RPL13A: variants seen among roughly 807,000 people sequenced by gnomAD.
RPL13A encodes the protein ribosomal protein L13a, also known as large ribosomal subunit protein uL13.
In RPL13A, 4 loss-of-function variants were observed where a neutral mutation model predicts 30.8. The ratio of observed to expected loss-of-function variants is 0.13; its 90% confidence interval spans 0.06 to 0.30. The LOEUF (loss-of-function observed/expected upper bound fraction) is 0.30, where lower values mean the gene tolerates loss of function less well. Among genes scored for constraint, RPL13A ranks in the 10% least tolerant of loss-of-function variants. The pLI is 1.00. For missense variants in RPL13A, 196 were observed against 272.6 expected, an observed-to-expected ratio of 0.72 and a Z score of 1.98; for synonymous variants, 108 against 104.2, an observed-to-expected ratio of 1.04 and a Z score of -0.22.
At chr19:49,490,941 G>GT in intron 5 of RPL13A, 77 bp downstream of exon 5, 1 of 1,604,764 alleles carries the variant, frequency 6.2e-7, no homozygotes, top group Middle Eastern at 1.7e-4. Flanking sequence ...TACATTGTTT[G>GT]ATCCTCATGA....
rs117864235 is a variant in RPL13A at position 49,491,115 on chromosome 19, C to T, written c.402+16C>T. On this transcript the variant is annotated intron_variant, in intron 6 of 7. Coordinates refer to ENST00000391857, the MANE Select transcript of RPL13A (RefSeq NM_012423.4). The stretch of plus-strand genomic sequence containing the variant: ...TACAAGAAAGGTGAGTCCCAGCTTA[C>T]GCTGCACCATCTACTTGGGAGATTT... 10,760 of 1,613,950 alleles carry T rather than the reference C, an allele frequency of 6.7e-3. 45 individuals are homozygous for T. Among genetic ancestry groups the T allele is most frequent in the Non-Finnish European group, 8.2e-3 (9,637 of 1,179,926 alleles).
chr19:49,489,777 A>G, intron 1 of RPL13A, 73 bp from the exon 2 acceptor site: 1 of 1,230,992 alleles, frequency 8.1e-7, no homozygotes, highest in South Asian at 1.2e-5. Flanking sequence ...GGACAAAAGA[A>G]GGGAATGCTT....
chr19:49,490,021 TC>T, intron 2 of RPL13A, 99 bp downstream of exon 2: 1 of 1,098,990 alleles, frequency 9.1e-7, no homozygotes, highest in East Asian at 2.3e-5. Flanking sequence ...GGCCATGAGA[TC>T]AACCCCATGC....
rs2079858506 is a variant in RPL13A at position 49,490,770 on chromosome 19, AC to A, written c.257-6del. On this transcript the variant is annotated splice_polypyrimidine_tract_variant and splice_region_variant and intron_variant, in intron 4 of 7. Coordinates refer to ENST00000391857, the MANE Select transcript of RPL13A (RefSeq NM_012423.4). The stretch of plus-strand genomic sequence containing the variant: ...CCTCTGACTGGGCCTGCTATCTGTC[AC>A]CCAACAGGTATGCTGCCCCACAAAA... The A allele has an allele frequency of 6.2e-7, 1 of 1,614,084 alleles. No homozygotes were observed. Among genetic ancestry groups the A allele is most frequent in the African/African-American group, 1.3e-5 (1 of 75,054 alleles).
chr19:49,491,357 C>T, intron 6 of RPL13A, 68 bp from the exon 7 acceptor site: 3 of 1,388,480 alleles, frequency 2.2e-6, no homozygotes, highest in Non-Finnish European at 3.0e-6. Context: ...AGCTCCGGCT[C>T]TTCAGGGTGT....
rs765181986 is a variant in RPL13A, at chr19:49,489,853, C to G, written c.19C>G (p.Leu7Val). Residue 7 changes from leucine (L) to valine (V), a missense_variant, in exon 2 of 8, where the codon CTG (leucine) becomes GTG (valine). Physicochemically the swap from Leu to Val is conservative, Grantham distance 32 (BLOSUM62 1). Coordinates refer to ENST00000391857, the MANE Select transcript of RPL13A (RefSeq NM_012423.4). ...CTTTTGCCCTTGTCTCCCACAGGTCCTGGTGCTTGATGGTCGAGGCCATCT... is the reference window on the plus strand; with the variant it reads ...CTTTTGCCCTTGTCTCCCACAGGTCGTGGTGCTTGATGGTCGAGGCCATCT... MAEVQV[L>V]VLDGRGHLLG... 1 of 1,613,602 alleles carries G rather than the reference C, an allele frequency of 6.2e-7. No homozygotes were observed. The highest frequency in any genetic ancestry group is 8.5e-7 in the Non-Finnish European group (1 of 1,179,470).
intron 1 of RPL13A, among the ~76,000 whole-genome samples, chr19:49,487,856 C>T (rs139537653): frequency 5.9e-5 from 9 of 152,236 alleles, no homozygotes; most frequent in African/African-American, 2.2e-4. Flanking sequence ...CTTCTCGAGG[C>T]GAGGGTGATA....
Position 49,489,833 on chromosome 19 carries a change from G to T in RPL13A, c.16-17G>T. 1 of 1,554,322 alleles carries T rather than the reference G, an allele frequency of 6.4e-7. No individual in the cohort carries two copies. The highest frequency in any genetic ancestry group is 2.6e-5 in the East Asian group (1 of 38,938). On this transcript the variant is annotated splice_polypyrimidine_tract_variant and intron_variant, in intron 1 of 7. Transcript: ENST00000391857. ...GCTGTCCTTGTCTCTGAGTCCTTTT[G>T]CCCTTGTCTCCCACAGGTCCTGGTG...
chr19:49,490,635 C>T (rs770218524), intron 4 of RPL13A, 59 bp downstream of exon 4: 3 of 1,585,328 alleles, frequency 1.9e-6, no homozygotes, highest in African/African-American at 1.3e-5. Context: ...ATGAGAACTT[C>T]TCCCACTCAC....
At chr19:49,490,959 A>ACTGG (rs2079861366) in intron 5 of RPL13A, 81 bp from the exon 6 acceptor site, 2 of 1,604,170 alleles carry the variant, frequency 1.2e-6, no homozygotes, top group East Asian at 4.5e-5. Context: ...TGAAAGCAGC[A>ACTGG]CTGGCTGAGA....
At chr19:49,491,217 T>C (rs894131905) in intron 6 of RPL13A, 118 bp downstream of exon 6, 1 of 1,339,302 alleles carries the variant, frequency 7.5e-7, no homozygotes, top group Non-Finnish European at 1.1e-6. Flanking sequence ...CGGATGTCCC[T>C]GTGGGAATGG....
At chr19:49,489,645 C>T (rs1281491063) in intron 1 of RPL13A, among the ~76,000 whole-genome samples, 1 of 152,248 alleles carries the variant, frequency 6.6e-6, no homozygotes, top group Non-Finnish European at 1.5e-5. Flanking sequence ...TCTTAAACTG[C>T]TCACTCACTG....
Position 49,491,335 on chromosome 19 carries a change from C to T in RPL13A, c.403-90C>T, listed in dbSNP as rs2079866214. 9 of 1,314,528 alleles carry T rather than the reference C, an allele frequency of 6.8e-6. No individual in the cohort carries two copies. In the South Asian group the frequency reaches 8.2e-5, roughly 12 times the overall value. The allele number at this position is 1,314,528 out of a possible 1,614,324, so 81.4% of individuals were successfully genotyped here. ...GATATGCCCAGCTGTCAGTCACCTC[C>T]CAGCTCTCAACAGCTCCGGCTCTTC... On this transcript the variant is annotated intron_variant, in intron 6 of 7. Coordinates refer to ENST00000391857, the MANE Select transcript of RPL13A (RefSeq NM_012423.4).
chr19:49,491,684 A>G (rs374596471), intron 7 of RPL13A, 45 bp from the exon 8 acceptor site: 441 of 1,591,792 alleles, frequency 2.8e-4, no homozygotes, highest in Middle Eastern at 6.6e-4. Flanking sequence ...AATGAGGGCA[A>G]TGCAACCCCT....
At chr19:49,490,715 CAG>C (rs1317666951) in intron 4 of RPL13A, 62 bp from the exon 5 acceptor site, 1 of 1,584,402 alleles carries the variant, frequency 6.3e-7, no homozygotes, top group Non-Finnish European at 8.7e-7. Context: ...GGGCCCACCT[CAG>C]TGGGGTGGGT....
At position 49,489,851 on chromosome 19, in the gene RPL13A, T is replaced by C; in HGVS notation, c.17T>C (p.Val6Ala). ...TCCTTTTGCCCTTGTCTCCCACAGG[T>C]CCTGGTGCTTGATGGTCGAGGCCAT... MAEVQ[V>A]LVLDGRGHLL... Residue 6 changes from valine (V) to alanine (A), a missense_variant and splice_region_variant, in exon 2 of 8, where the codon GTC (valine) becomes GCC (alanine). Physicochemically the swap from Val to Ala is moderately conservative, Grantham distance 64. Transcript: ENST00000391857. The C allele has an allele frequency of 1.2e-6, 2 of 1,613,454 alleles. No individual in the cohort carries two copies. Among genetic ancestry groups the C allele is most frequent in the Non-Finnish European group, 1.7e-6 (2 of 1,179,354 alleles).
At position 49,489,762 on chromosome 19, in the gene RPL13A, C is replaced by T. The variant is rs532876407; in HGVS notation, c.16-88C>T. ...CTGGGTGCAAGGCACGCTGTTGGCA[C>T]GGTAGGACAAAAGAAGGGAATGCTT... On this transcript the variant is annotated intron_variant, in intron 1 of 7. Transcript: ENST00000391857. The T allele has an allele frequency of 4.2e-4, 454 of 1,092,450 alleles. 2 individuals carry two copies. In the Middle Eastern group the frequency reaches 0.012, roughly 29 times the overall value. 67.7% of individuals were successfully genotyped at this position (1,092,450 alleles called of 1,614,324 possible).
intron 3 of RPL13A, 52 bp from the exon 4 acceptor site, chr19:49,490,422 GT>G: frequency 6.2e-7 from 1 of 1,602,632 alleles, no homozygotes; most frequent in African/African-American, 1.3e-5. Flanking sequence ...TGGAAGTGGG[GT>G]TTTGGGGGTG....
chr19:49,492,277 T>G lies in RPL13A; in HGVS notation c.*462T>G, dbSNP rs972156436. 9 of 156,718 alleles carry G rather than the reference T, an allele frequency of 5.7e-5. No individual in the cohort carries two copies. Among genetic ancestry groups the G allele is most frequent in the African/African-American group, 1.2e-4 (5 of 41,478 alleles). The allele number at this position is 156,718 out of a possible 1,614,324, so 9.7% of individuals were successfully genotyped here. A position where few individuals can be genotyped will look rare whatever the true frequency, so the allele number is the denominator to read the frequency against. On this transcript the variant is annotated 3_prime_UTR_variant, in exon 8 of 8. Coordinates refer to ENST00000391857, the MANE Select transcript of RPL13A (RefSeq NM_012423.4). The stretch of plus-strand genomic sequence containing the variant: ...ATCGCCCATGCTCCTCACCTGTATT[T>G]TGTAATCAGAAATAAATTGCTTTTA...
Sources: allele counts gnomAD v4.1 joint callset (sites outside exome capture counted in the v4.1 genomes callset), GRCh38; gene constraint gnomAD v4.1.1; transcripts MANE v1.5; gene names NCBI Gene and HGNC (gene_info 2026-07-23, HGNC 2026-07-21).